Variants in FHIT observed in about 807,000 individuals in gnomAD.
FHIT encodes the protein fragile histidine triad diadenosine triphosphatase, also known as bis(5'-adenosyl)-triphosphatase.
In FHIT, 19 loss-of-function variants were observed where a neutral mutation model predicts 17.9. The ratio of observed to expected loss-of-function variants is 1.06; its 90% confidence interval spans 0.74 to 1.56. The LOEUF is 1.56. FHIT is among the 40% of genes most tolerant of loss of function. The pLI is 0.00. For synonymous variants in FHIT, 81 were observed against 69.7 expected, an observed-to-expected ratio of 1.16 and a Z score of -0.81; for missense variants, 248 against 189.2, an observed-to-expected ratio of 1.31 and a Z score of -1.82.
chr3:60,941,725 A>T (rs918450528), intron 3 of FHIT, among the ~76,000 whole-genome samples: 7 of 152,180 alleles, frequency 4.6e-5, no homozygotes, highest in Non-Finnish European at 8.8e-5. Context: ...ACCGAATCAC[A>T]CACCTTTCTA....
intron 4 of FHIT, among the ~76,000 whole-genome samples, chr3:60,652,148 T>C (rs782325476): frequency 1.3e-5 from 2 of 152,052 alleles, no homozygotes; most frequent in Non-Finnish European, 2.9e-5. Flanking sequence ...TGGAAGAGAT[T>C]GGTGGGGCTG....
intron 3 of FHIT, among the ~76,000 whole-genome samples, chr3:61,002,411 T>G (rs1274697552): frequency 1.3e-5 from 2 of 152,238 alleles, no homozygotes; most frequent in Non-Finnish European, 2.9e-5. Context: ...TACACGCATG[T>G]GCCAACATGC....
At chr3:60,352,736 C>T (rs1368799999) in intron 5 of FHIT, among the ~76,000 whole-genome samples, 1 of 152,096 alleles carries the variant, frequency 6.6e-6, no homozygotes, top group African/African-American at 2.4e-5. Context: ...TGATCTCAAA[C>T]TCCTAGCTTC....
intron 7 of FHIT, among the ~76,000 whole-genome samples, chr3:59,936,882 G>T (rs545243339): frequency 6.6e-6 from 1 of 152,112 alleles, no homozygotes; most frequent in Non-Finnish European, 1.5e-5. Context: ...AACCTGGAGA[G>T]GTCAGCCATG....
At chr3:60,307,270 A>T (rs935565514) in intron 5 of FHIT, among the ~76,000 whole-genome samples, 1 of 152,114 alleles carries the variant, frequency 6.6e-6, no homozygotes, top group Non-Finnish European at 1.5e-5. Flanking sequence ...AAGTCAGTAA[A>T]TTCGCCTGCC....
intron 5 of FHIT, among the ~76,000 whole-genome samples, chr3:60,131,292 A>T (rs559474308): frequency 4.6e-5 from 7 of 151,982 alleles, no homozygotes; most frequent in Non-Finnish European, 1.0e-4. Context: ...AGTTATTCTA[A>T]CATATTGTTT....
intron 3 of FHIT, among the ~76,000 whole-genome samples, chr3:61,022,423 AGC>A (rs1441900305): frequency 2.0e-5 from 3 of 152,210 alleles, no homozygotes; most frequent in African/African-American, 7.2e-5. Flanking sequence ...GTAAAAGAGG[AGC>A]TGGTACCATT....
chr3:60,719,265 T>C (rs2041756500), intron 4 of FHIT, among the ~76,000 whole-genome samples: 1 of 152,194 alleles, frequency 6.6e-6, no homozygotes, highest in Non-Finnish European at 1.5e-5. Flanking sequence ...GGCCTGCTAT[T>C]TTTTTCCTTT....
chr3:59,799,633 T>G (rs944557209), intron 8 of FHIT, among the ~76,000 whole-genome samples: 1 of 152,150 alleles, frequency 6.6e-6, no homozygotes, highest in African/African-American at 2.4e-5. Flanking sequence ...TCCCATAAAC[T>G]TTATTTTGGA....
chr3:60,885,002 A>T (rs1326422106), intron 3 of FHIT, among the ~76,000 whole-genome samples: 1 of 151,784 alleles, frequency 6.6e-6, no homozygotes, highest in Non-Finnish European at 1.5e-5. Flanking sequence ...AAAAGTGTGG[A>T]TCTCATGGAG....
intron 5 of FHIT, among the ~76,000 whole-genome samples, chr3:60,453,062 A>T (rs1376780660): frequency 6.6e-6 from 1 of 152,218 alleles, no homozygotes; most frequent in Non-Finnish European, 1.5e-5. Context: ...GAAATGCTAA[A>T]ACAAAATTAA....
intron 4 of FHIT, among the ~76,000 whole-genome samples, chr3:60,791,642 A>T (rs1559725790): frequency 6.6e-6 from 1 of 152,170 alleles, no homozygotes; most frequent in Non-Finnish European, 1.5e-5. Context: ...AACACAACAA[A>T]ATGCAGAAAC....
intron 4 of FHIT, among the ~76,000 whole-genome samples, chr3:60,560,545 C>T (rs1004887242): frequency 6.6e-6 from 1 of 151,946 alleles, no homozygotes; most frequent in Non-Finnish European, 1.5e-5. Flanking sequence ...TTCCTGTTCC[C>T]TCACCCCAGG....
chr3:59,860,472 A>T (rs1351399854), intron 8 of FHIT, among the ~76,000 whole-genome samples: 1 of 152,206 alleles, frequency 6.6e-6, no homozygotes, highest in African/African-American at 2.4e-5. Context: ...GAAAAGTTGA[A>T]TAAATTTTGA....
intron 5 of FHIT, among the ~76,000 whole-genome samples, chr3:60,310,694 A>G (rs531300650): frequency 4.1e-4 from 62 of 152,300 alleles, no homozygotes; most frequent in African/African-American, 1.3e-3. Context: ...ACACAAGGAC[A>G]CAGATTAGAG....
intron 5 of FHIT, among the ~76,000 whole-genome samples, chr3:60,406,376 T>A (rs1158845004): frequency 6.6e-6 from 1 of 152,188 alleles, no homozygotes; most frequent in African/African-American, 2.4e-5. Context: ...TATCCCTCTC[T>A]TCAGACAAAA....
At chr3:61,052,911 A>T (rs2034079438) in intron 2 of FHIT, among the ~76,000 whole-genome samples, 2 of 152,176 alleles carry the variant, frequency 1.3e-5, no homozygotes, top group South Asian at 4.1e-4. Flanking sequence ...ATTCATCAAG[A>T]TATCAGACAT....
At chr3:59,836,757 A>G (rs190326944) in intron 8 of FHIT, among the ~76,000 whole-genome samples, 1 of 152,266 alleles carries the variant, frequency 6.6e-6, no homozygotes, top group African/African-American at 2.4e-5. Context: ...AATGCCTGCC[A>G]TGTGTGTTAC....
intron 5 of FHIT, among the ~76,000 whole-genome samples, chr3:60,479,105 T>C (rs1327361609): frequency 6.6e-6 from 1 of 152,226 alleles, no homozygotes; most frequent in East Asian, 1.9e-4. Context: ...GAAAATAATG[T>C]ACTGCTTGCC....
Sources: allele counts gnomAD v4.1 joint callset (sites outside exome capture counted in the v4.1 genomes callset), GRCh38; gene constraint gnomAD v4.1.1; transcripts MANE v1.5; gene names NCBI Gene and HGNC (gene_info 2026-07-23, HGNC 2026-07-21).